Variants in NALCN observed in about 807,000 individuals in gnomAD.
NALCN encodes the protein sodium leak channel, non-selective, also known as sodium leak channel NALCN.
NALCN carries 111 observed loss-of-function variants against 225.3 expected under a neutral mutation model. That is an observed-to-expected ratio of 0.49 (90% CI 0.42 to 0.58). The LOEUF (loss-of-function observed/expected upper bound fraction) is 0.58, where lower values mean the gene tolerates loss of function less well. Among genes scored for constraint, NALCN ranks in the 20% least tolerant of loss-of-function variants. The pLI is 0.00. For missense variants in NALCN, 1,378 were observed against 2,202.4 expected, an observed-to-expected ratio of 0.63 and a Z score of 7.49; for synonymous variants, 764 against 769.0, an observed-to-expected ratio of 0.99 and a Z score of 0.11.
chr13:101,400,780 A>G (rs764590318), intron 1 of NALCN, among the ~76,000 whole-genome samples: 2 of 151,896 alleles, frequency 1.3e-5, no homozygotes, highest in Non-Finnish European at 2.9e-5. Context: ...CCACCCCCCA[A>G]AATTTCATCT....
At chr13:101,221,653 A>G (rs1031616097) in intron 13 of NALCN, among the ~76,000 whole-genome samples, 2 of 152,006 alleles carry the variant, frequency 1.3e-5, no homozygotes, top group Admixed American at 1.3e-4. Context: ...CCCTTTCTTG[A>G]CCATTGTATT....
chr13:101,280,903 C>A (rs1371784464), intron 10 of NALCN, among the ~76,000 whole-genome samples: 2 of 129,366 alleles, frequency 1.5e-5, no homozygotes, highest in Non-Finnish European at 3.2e-5. Flanking sequence ...TTTTTTGAGA[C>A]AGAGTCTCAC....
At chr13:101,175,630 C>G (rs2038929770) in intron 15 of NALCN, among the ~76,000 whole-genome samples, 1 of 152,178 alleles carries the variant, frequency 6.6e-6, no homozygotes, top group South Asian at 2.1e-4. Context: ...CTTGCGAGCT[C>G]TTCTTCTCAA....
At chr13:101,172,646 G>A (rs1393532081) in intron 15 of NALCN, among the ~76,000 whole-genome samples, 5 of 152,128 alleles carry the variant, frequency 3.3e-5, no homozygotes, top group East Asian at 3.9e-4. Flanking sequence ...TGCAAGCTCC[G>A]CCTCCCGGGT....
intron 6 of NALCN, among the ~76,000 whole-genome samples, chr13:101,346,249 T>C (rs78879652): frequency 0.01 from 1,527 of 152,040 alleles, 30 homozygotes; most frequent in African/African-American, 0.034. Context: ...TAGCTCTTTA[T>C]AAGAATACTA....
At chr13:101,149,448 A>G (rs2037527669) in intron 15 of NALCN, among the ~76,000 whole-genome samples, 1 of 152,224 alleles carries the variant, frequency 6.6e-6, no homozygotes. Flanking sequence ...TCTAATTGGT[A>G]TTAGAGATAT....
chr13:101,375,174 G>A (rs1177862510), intron 6 of NALCN, among the ~76,000 whole-genome samples: 2 of 152,030 alleles, frequency 1.3e-5, no homozygotes, highest in Non-Finnish European at 2.9e-5. Flanking sequence ...CAGCATGTAA[G>A]CGTGTTTACG....
chr13:101,382,834 A>G (rs2046888144), intron 3 of NALCN, among the ~76,000 whole-genome samples: 1 of 152,164 alleles, frequency 6.6e-6, no homozygotes, highest in Non-Finnish European at 1.5e-5. Context: ...TCAGAAACAT[A>G]TAGTGGCATT....
At chr13:101,091,803 C>T (rs999278650) in intron 28 of NALCN, among the ~76,000 whole-genome samples, 2 of 152,106 alleles carry the variant, frequency 1.3e-5, no homozygotes, top group Non-Finnish European at 2.9e-5. Flanking sequence ...GCTTTCTTAG[C>T]TGAATTTGCA....
At chr13:101,209,385 T>A (rs1429011434) in intron 13 of NALCN, among the ~76,000 whole-genome samples, 2 of 152,172 alleles carry the variant, frequency 1.3e-5, no homozygotes, top group Admixed American at 1.3e-4. Context: ...TCTATCAAAG[T>A]GTATATTTGC....
At chr13:101,346,174 A>C (rs1043110996) in intron 6 of NALCN, among the ~76,000 whole-genome samples, 7 of 149,428 alleles carry the variant, frequency 4.7e-5, no homozygotes, top group African/African-American at 2.5e-5. Context: ...ATAATCCATA[A>C]ATGATATTCA....
chr13:101,302,039 G>A (rs1431738651), intron 7 of NALCN, among the ~76,000 whole-genome samples: 2 of 152,048 alleles, frequency 1.3e-5, no homozygotes, highest in Non-Finnish European at 2.9e-5. Context: ...AAGATTTATT[G>A]GAAGGAAATC....
At chr13:101,290,998 C>G (rs2043532138) in intron 9 of NALCN, among the ~76,000 whole-genome samples, 1 of 151,942 alleles carries the variant, frequency 6.6e-6, no homozygotes, top group African/African-American at 2.4e-5. Context: ...ACACGTGAAA[C>G]AAAACCAAAA....
chr13:101,095,081 G>A (rs2034432051), intron 28 of NALCN, among the ~76,000 whole-genome samples: 1 of 152,152 alleles, frequency 6.6e-6, no homozygotes, highest in South Asian at 2.1e-4. Context: ...ATATTAAAGG[G>A]AAAGTTAGAA....
At chr13:101,376,502 C>T (rs1042286354) in intron 6 of NALCN, among the ~76,000 whole-genome samples, 198 bp downstream of exon 6, 4 of 150,296 alleles carry the variant, frequency 2.7e-5, no homozygotes, top group African/African-American at 7.4e-5. Flanking sequence ...CATGACAGAG[C>T]GAGACTCCAT....
intron 7 of NALCN, among the ~76,000 whole-genome samples, chr13:101,324,922 T>A (rs1483318133): frequency 6.6e-6 from 1 of 152,182 alleles, no homozygotes; most frequent in African/African-American, 2.4e-5. Context: ...TTGTCACAAA[T>A]AGCTCTTATT....
intron 27 of NALCN, among the ~76,000 whole-genome samples, chr13:101,096,645 G>A (rs1034809189): frequency 1.3e-5 from 2 of 152,196 alleles, no homozygotes; most frequent in African/African-American, 4.8e-5. Context: ...AAAAGTGGCT[G>A]TCGTGTATAC....
chr13:101,215,370 C>T (rs1326503509), intron 13 of NALCN, among the ~76,000 whole-genome samples: 2 of 152,154 alleles, frequency 1.3e-5, no homozygotes, highest in Non-Finnish European at 1.5e-5. Flanking sequence ...GGATGCATTA[C>T]TTTTCTATTG....
intron 3 of NALCN, among the ~76,000 whole-genome samples, chr13:101,392,287 A>C (rs924825228): frequency 6.6e-6 from 1 of 152,148 alleles, no homozygotes; most frequent in African/African-American, 2.4e-5. Context: ...AACATATATA[A>C]CAAAACAACA....
Sources: allele counts gnomAD v4.1 joint callset (sites outside exome capture counted in the v4.1 genomes callset), GRCh38; gene constraint gnomAD v4.1.1; transcripts MANE v1.5; gene names NCBI Gene and HGNC (gene_info 2026-07-23, HGNC 2026-07-21).